FANCL: variants seen among roughly 807,000 people sequenced by gnomAD.
FANCL encodes E3 ubiquitin-protein ligase FANCL.
In FANCL, 69 loss-of-function variants were observed where a neutral mutation model predicts 59.4. That is an observed-to-expected ratio of 1.16 (90% confidence interval 0.96 to 1.42). The LOEUF (loss-of-function observed/expected upper bound fraction) is 1.42. Among genes scored for constraint, FANCL ranks in the 40% most tolerant of loss-of-function variants. The pLI is 0.00. For synonymous variants in FANCL, 180 were observed against 147.1 expected (o/e 1.22, Z -1.62); for missense variants, 519 against 447.2 (o/e 1.16, Z -1.45).
intron 7 of FANCL, among the ~76,000 whole-genome samples, chr2:58,175,536 CAT>C (rs888919729): frequency 3.9e-4 from 60 of 152,096 alleles, no homozygotes; most frequent in African/African-American, 1.4e-3. Context: ...ACAAAAACCA[CAT>C]GATTATCTCA....
upstream of FANCL, chr2:58,241,327 G>C (rs781474494): frequency 1.7e-5 from 28 of 1,613,324 alleles, no homozygotes; most frequent in Non-Finnish European, 2.0e-5. Context: ...TCGAAGTCCG[G>C]AGAAACACAG....
chr2:58,217,368 T>C (rs977956230), intron 5 of FANCL, among the ~76,000 whole-genome samples: 11 of 150,622 alleles, frequency 7.3e-5, no homozygotes, highest in African/African-American at 2.4e-4. Flanking sequence ...CTGGAGGCTC[T>C]AGGAGAGAAT....
chr2:58,222,001 A>C lies in FANCL; in HGVS notation c.315T>G (p.Pro105=). 6.2e-7 allele frequency: 1 copy of C among 1,613,550 alleles called. No individual in the cohort carries two copies. Among genetic ancestry groups the C allele is most frequent in the Non-Finnish European group, 8.5e-7 (1 of 1,179,590 alleles). ...GGCTTGAGTAGAACTGGGGAGGAGG[A>C]GGTAGTGCATACAGCTCTTGTCTAT... ...LKNRQELYAL[P]PPPQFYSSLI... Residue 105 remains proline (P), a synonymous_variant, in exon 5 of 14, where the codon CCT becomes CCG. Transcript: ENST00000233741.
intron 7 of FANCL, among the ~76,000 whole-genome samples, chr2:58,197,127 A>C (rs1689513668): frequency 6.6e-6 from 1 of 151,378 alleles, no homozygotes; most frequent in Non-Finnish European, 1.5e-5. Flanking sequence ...ATGTTTTCTC[A>C]ACTTCCATTG....
At chr2:58,167,136 C>T (rs1035410476) in intron 7 of FANCL, among the ~76,000 whole-genome samples, 7 of 152,080 alleles carry the variant, frequency 4.6e-5, no homozygotes, top group African/African-American at 1.7e-4. Flanking sequence ...CACTTGAACC[C>T]GGGAGGCAGA....
In FANCL at chr2:58,198,644, C is replaced by T. The variant is rs2105101041; in HGVS notation, c.490G>A (p.Asp164Asn). 1.2e-6 allele frequency: 2 copies of T among 1,613,726 alleles called. No homozygotes were observed. Among genetic ancestry groups the T allele is most frequent in the East Asian group, 4.5e-5 (2 of 44,864 alleles). The change falls in exon 7 of 14, where the codon GAT becomes AAT. Residue 164 changes from aspartate to asparagine, a missense_variant. Physicochemically the swap from Asp to Asn is conservative, Grantham distance 23. Transcript: ENST00000233741. ...LKAKYPAESPDYFVDFPVPFC... is the reference protein window; with the variant it reads ...LKAKYPAESPNYFVDFPVPFC... Reference sequence around the variant, plus strand: ...GGAACAGGAAAATCCACAAAATAATCTGGTGATTCTGCAGGATACTATTAA... The same window carrying T: ...GGAACAGGAAAATCCACAAAATAATTTGGTGATTCTGCAGGATACTATTAA...
intron 1 of FANCL, among the ~76,000 whole-genome samples, 167 bp from the exon 2 acceptor site, chr2:58,232,279 T>C (rs1693657321): frequency 6.6e-6 from 1 of 152,162 alleles, no homozygotes; most frequent in Admixed American, 6.5e-5. Flanking sequence ...CAATATTGCA[T>C]TTGAGGGAAA....
chr2:58,186,805 C>CG (rs1354350476), intron 7 of FANCL, among the ~76,000 whole-genome samples: 1 of 152,116 alleles, frequency 6.6e-6, no homozygotes, highest in Non-Finnish European at 1.5e-5. Context: ...TACACCACCA[C>CG]GAAGCTGACT....
intron 5 of FANCL, among the ~76,000 whole-genome samples, chr2:58,209,460 A>G (rs1690917168): frequency 6.6e-6 from 1 of 152,160 alleles, no homozygotes; most frequent in South Asian, 2.1e-4. Context: ...CTATTTATAA[A>G]GGTTTTCAGT....
In FANCL at chr2:58,229,961, C is replaced by T. The variant is rs1247954806; in HGVS notation, c.156-87G>A. The T allele has an allele frequency of 6.7e-6, 6 of 891,834 alleles. No homozygotes were observed. In the South Asian group the frequency reaches 6.9e-5, roughly 10 times the overall value. The allele number at this position is 891,834 out of a possible 1,614,324, so 55.2% of individuals were successfully genotyped here. On this transcript the variant is annotated intron_variant, in intron 2 of 13. Transcript: ENST00000233741. The stretch of plus-strand genomic sequence containing the variant: ...GCTAACACAAACATGCATGTACATA[C>T]AAAAGAATGACAAACATAATTTGGA...
At chr2:58,233,831 C>T (rs188245711) in intron 1 of FANCL, among the ~76,000 whole-genome samples, 2 of 152,008 alleles carry the variant, frequency 1.3e-5, no homozygotes, top group African/African-American at 4.8e-5. Context: ...AGGAGCCAGT[C>T]CTGGGAAAGA....
intron 4 of FANCL, among the ~76,000 whole-genome samples, chr2:58,223,693 C>T (rs1692699605): frequency 6.6e-6 from 1 of 151,936 alleles, no homozygotes; most frequent in Non-Finnish European, 1.5e-5. Context: ...AGGCCTTAGG[C>T]TTCAGTGGCT....
chr2:58,215,960 C>G (rs1380736369), intron 5 of FANCL, among the ~76,000 whole-genome samples: 3 of 151,926 alleles, frequency 2.0e-5, no homozygotes, highest in African/African-American at 7.3e-5. Flanking sequence ...TCAGGGCCTA[C>G]CAGTGAGACA....
intron 1 of FANCL, among the ~76,000 whole-genome samples, chr2:58,232,768 T>A (rs1419667050): frequency 2.6e-5 from 4 of 152,056 alleles, no homozygotes; most frequent in African/African-American, 9.7e-5. Flanking sequence ...ATTTATTCCA[T>A]TTTACTTTCT....
intron 5 of FANCL, among the ~76,000 whole-genome samples, chr2:58,205,995 G>A (rs1690546228): frequency 6.6e-6 from 1 of 151,982 alleles, no homozygotes. Flanking sequence ...CCAAGAATAC[G>A]CAATGCTAAA....
intron 1 of FANCL, among the ~76,000 whole-genome samples, chr2:58,236,100 A>G (rs1369478127): frequency 1.3e-5 from 2 of 151,732 alleles, no homozygotes; most frequent in African/African-American, 2.4e-5. Flanking sequence ...GTTTTTTCCA[A>G]ATTAAATGAA....
At chr2:58,211,291 C>T (rs1219296869) in intron 5 of FANCL, among the ~76,000 whole-genome samples, 2 of 148,768 alleles carry the variant, frequency 1.3e-5, no homozygotes, top group Non-Finnish European at 3.0e-5. Context: ...GGGGTTTGCA[C>T]CCTCTGCAGC....
chr2:58,199,053 G>A (rs72810373), intron 6 of FANCL, among the ~76,000 whole-genome samples: 31,842 of 149,352 alleles, frequency 0.21, 3,932 homozygotes, highest in African/African-American at 0.33. Flanking sequence ...AAAGAAAAAC[G>A]AGATATATTG....
chr2:58,219,775 T>G (rs1234024048), intron 5 of FANCL, among the ~76,000 whole-genome samples: 1 of 152,116 alleles, frequency 6.6e-6, no homozygotes, highest in Non-Finnish European at 1.5e-5. Flanking sequence ...ACATAGTCAA[T>G]TACATAGTTC....
Sources: gnomAD v4.1 joint callset for allele counts (sites outside exome capture counted in the v4.1 genomes callset) on GRCh38, gnomAD v4.1.1 for gene constraint, MANE v1.5 for transcripts, NCBI Gene and HGNC (gene_info 2026-07-23, HGNC 2026-07-21) for gene names.